Variants in PCDHA6 observed in about 807,000 individuals in gnomAD.
PCDHA6 encodes the protein protocadherin alpha-6.
In PCDHA6, 55 loss-of-function variants were observed where a neutral mutation model predicts 60.3. The ratio of observed to expected loss-of-function variants is 0.91; its 90% CI spans 0.73 to 1.14. The LOEUF (loss-of-function observed/expected upper bound fraction) is 1.14. Among genes scored for constraint, PCDHA6 ranks in the 50% most tolerant of loss-of-function variants. The pLI, the probability that PCDHA6 is intolerant of heterozygous loss-of-function variation, is 0.00. For missense variants in PCDHA6, 1,327 were observed against 1,256.5 expected, an observed-to-expected ratio of 1.06 and a Z score of -0.85; for synonymous variants, 652 against 557.9, an observed-to-expected ratio of 1.17 and a Z score of -2.38.
Position 140,857,574 on chromosome 5 carries a change from T to G in PCDHA6, c.2394+27089T>G, listed in dbSNP as rs1452756689. On this transcript the variant is annotated intron_variant, in intron 1 of 3. Coordinates refer to ENST00000529310, the MANE Select transcript of PCDHA6 (RefSeq NM_018909.4). ...CGCTCGCTGTCGAGCTACGTGTCGGTGCACGCGGAGAGCGGCAAGGTGTAC... is the reference window on the plus strand; with the variant it reads ...CGCTCGCTGTCGAGCTACGTGTCGGGGCACGCGGAGAGCGGCAAGGTGTAC... 26 of 1,596,616 alleles carry G rather than the reference T, an allele frequency of 1.6e-5. 3 individuals carry two copies. Among genetic ancestry groups the G allele is most frequent in the Non-Finnish European group, 2.1e-5 (25 of 1,167,676 alleles).
At chr5:140,893,066 A>G (rs1221245824) in intron 1 of PCDHA6, among the ~76,000 whole-genome samples, 1 of 152,248 alleles carries the variant, frequency 6.6e-6, no homozygotes, top group Admixed American at 6.5e-5. Flanking sequence ...ACTGCCATGA[A>G]TAACAGGATT....
Position 140,828,517 on chromosome 5 carries a change from T to C in PCDHA6, c.426T>C (p.Ile142=), listed in dbSNP as rs2150156285. ...LFPVEEQRVL[I]YESRLPDSVF... ...CGGTAGAGGAACAAAGAGTGCTGAT[T>C]TACGAATCTAGGCTGCCAGATTCTG... is the stretch of plus-strand genomic sequence containing the variant. The change falls in exon 1 of 4, where the codon ATT becomes ATC. Residue 142 remains isoleucine, a synonymous_variant. Transcript: ENST00000529310. 1.9e-6 allele frequency: 3 copies of C among 1,614,174 alleles called. No homozygotes were observed. The highest frequency in any genetic ancestry group is 2.5e-6 in the Non-Finnish European group (3 of 1,180,026).
intron 1 of PCDHA6, chr5:140,834,264 C>T (rs1772874708): frequency 9.9e-7 from 1 of 1,010,524 alleles, no homozygotes; most frequent in Non-Finnish European, 1.5e-6. Context: ...GCTCCACTCT[C>T]TTTCACTCTT....
chr5:140,871,185 T>C (rs782235765), intron 1 of PCDHA6: 1 of 1,613,600 alleles, frequency 6.2e-7, no homozygotes, highest in Admixed American at 1.7e-5. Flanking sequence ...CGCTGGTGGA[T>C]GTCAACGTGT....
intron 1 of PCDHA6, chr5:140,967,993 T>C (rs372478638): frequency 1.5e-5 from 24 of 1,614,206 alleles, no homozygotes; most frequent in Non-Finnish European, 1.2e-5. Flanking sequence ...CCACACTGCC[T>C]TTCCGACTGA....
At chr5:140,855,278 G>A (rs251360) in intron 1 of PCDHA6, among the ~76,000 whole-genome samples, 95,551 of 148,822 alleles carry the variant, frequency 0.64, 33,178 homozygotes, top group African/African-American at 0.69. Context: ...CTCAACCACC[G>A]TATTACTATT....
Position 140,929,131 on chromosome 5 carries a change from G to A in PCDHA6, c.2395-49818G>A, listed in dbSNP as rs782040825. ...ATCAGCCACCATAGATGTCACTACA[G>A]TTGAGAGACTTTCTCAGACTTATCT... On this transcript the variant is annotated intron_variant, in intron 1 of 3. Coordinates refer to ENST00000529310, the MANE Select transcript of PCDHA6 (RefSeq NM_018909.4). 5.0e-6 allele frequency: 8 copies of A among 1,614,036 alleles called. No homozygotes were observed. The East Asian group carries it at 6.7e-5, about 13-fold the overall frequency.
intron 1 of PCDHA6, chr5:140,835,757 C>T (rs1467581889): frequency 2.5e-6 from 4 of 1,613,278 alleles, no homozygotes; most frequent in Admixed American, 1.7e-5. Context: ...TCGCGCAGCC[C>T]GAGTATACGG....
Position 140,850,654 on chromosome 5 carries a change from T to C in PCDHA6, c.2394+20169T>C, listed in dbSNP as rs2150492397. On this transcript the variant is annotated intron_variant, in intron 1 of 3. Coordinates refer to ENST00000529310, the MANE Select transcript of PCDHA6 (RefSeq NM_018909.4). ...GTTCTCACGCTGCTGCTGTACACTG[T>C]GCTGCGGTGCTCGGCGATGCCCACC... The C allele has an allele frequency of 1.6e-5, 25 of 1,598,638 alleles. 2 individuals are homozygous for C. The highest frequency in any genetic ancestry group is 2.1e-5 in the Non-Finnish European group (25 of 1,167,896).
At chr5:140,876,192 G>A (rs782181168) in intron 1 of PCDHA6, 6 of 1,613,732 alleles carry the variant, frequency 3.7e-6, no homozygotes, top group African/African-American at 1.3e-5. Context: ...ACAATGGTCC[G>A]GCGTTTGATA....
At position 140,842,676 on chromosome 5, in the gene PCDHA6, C is replaced by G. The variant is rs1554139267; in HGVS notation, c.2394+12191C>G. The G allele has an allele frequency of 1.9e-6, 3 of 1,595,430 alleles. 1 individual carries two copies. The African/African-American group carries it at 4.0e-5, about 21-fold the overall frequency. ...GAGGTGGCCGACGTGAACGACAATG[C>G]TCCGGCGTTCGCGCAGCCCGAGTAC... On this transcript the variant is annotated intron_variant, in intron 1 of 3. Transcript: ENST00000529310.
At chr5:140,959,602 CT>C (rs1554224184) in intron 1 of PCDHA6, among the ~76,000 whole-genome samples, 1 of 152,008 alleles carries the variant, frequency 6.6e-6, no homozygotes, top group Admixed American at 6.6e-5. Flanking sequence ...GTATAACATG[CT>C]TTTCTTGCTT....
intron 1 of PCDHA6, among the ~76,000 whole-genome samples, chr5:140,970,418 G>A (rs1377182658): frequency 6.6e-6 from 1 of 152,220 alleles, no homozygotes; most frequent in East Asian, 1.9e-4. Flanking sequence ...ACAGTAAGGT[G>A]TAGAGGCAGG....
At chr5:140,971,376 C>CT (rs1334633165) in intron 1 of PCDHA6, among the ~76,000 whole-genome samples, 1 of 152,164 alleles carries the variant, frequency 6.6e-6, no homozygotes, top group Non-Finnish European at 1.5e-5. Context: ...GAGTGCATGA[C>CT]TTTAATAAAG....
intron 1 of PCDHA6, among the ~76,000 whole-genome samples, chr5:140,887,272 AT>A (rs2061386056): frequency 6.6e-6 from 1 of 151,690 alleles, no homozygotes; most frequent in South Asian, 2.1e-4. Context: ...AATTTTTTGT[AT>A]TTTTAGTAGA....
chr5:140,935,828 A>G (rs1365293166), intron 1 of PCDHA6, among the ~76,000 whole-genome samples: 1 of 152,004 alleles, frequency 6.6e-6, no homozygotes, highest in Non-Finnish European at 1.5e-5. Context: ...GTATTTACAC[A>G]TATTCCATAC....
chr5:140,905,019 A>C (rs1000367022), intron 1 of PCDHA6, among the ~76,000 whole-genome samples: 23 of 152,044 alleles, frequency 1.5e-4, no homozygotes, highest in African/African-American at 5.6e-4. Context: ...ATTCTTTTCT[A>C]TGCAGAAGCT....
chr5:140,926,903 G>C (rs369906778), intron 1 of PCDHA6: 13 of 1,557,942 alleles, frequency 8.3e-6, no homozygotes, highest in African/African-American at 1.4e-5. Flanking sequence ...ATGGTGGGCT[G>C]TGGGGTGGCA....
chr5:140,836,539 C>T (rs782621405), intron 1 of PCDHA6: 2 of 1,613,800 alleles, frequency 1.2e-6, no homozygotes, highest in South Asian at 1.1e-5. Flanking sequence ...CTGCTGTACA[C>T]GGCGTTGCGG....
Sources: gnomAD v4.1 joint callset for allele counts (sites outside exome capture counted in the v4.1 genomes callset) on GRCh38, gnomAD v4.1.1 for gene constraint, MANE v1.5 for transcripts, NCBI Gene and HGNC (gene_info 2026-07-23, HGNC 2026-07-21) for gene names.